The following ADAMTSL1 variants were observed in gnomAD, a reference collection of about 807,000 sequenced individuals.
ADAMTSL1 encodes ADAMTS like 1.
ADAMTSL1 carries 126 observed loss-of-function variants against 201.8 expected under a neutral mutation model. The ratio of observed to expected loss-of-function variants is 0.62; its 90% confidence interval spans 0.54 to 0.72. The LOEUF is 0.72. Ranked by LOEUF, ADAMTSL1 falls within the 30% of genes least tolerant of loss-of-function variation. The pLI, the probability that ADAMTSL1 is intolerant of heterozygous loss-of-function variation, is 0.00. For missense variants in ADAMTSL1, 2,679 were observed against 2,277.8 expected, an observed-to-expected ratio of 1.18 and a Z score of -3.59; for synonymous variants, 1,121 against 903.4, an observed-to-expected ratio of 1.24 and a Z score of -4.32.
chr9:17,927,880 C>T (rs1411156407), intron 1 of ADAMTSL1, among the ~76,000 whole-genome samples: 2 of 152,058 alleles, frequency 1.3e-5, no homozygotes, highest in Non-Finnish European at 2.9e-5. Flanking sequence ...CTCATGCATT[C>T]ATTAGTGGAC....
intron 3 of ADAMTSL1, among the ~76,000 whole-genome samples, chr9:18,556,839 A>G (rs1307105833): frequency 6.6e-6 from 1 of 152,064 alleles, no homozygotes; most frequent in Non-Finnish European, 1.5e-5. Flanking sequence ...AATTATATTT[A>G]AAGTGGTTCT....
chr9:18,029,894 A>G (rs1477195850), intron 1 of ADAMTSL1, among the ~76,000 whole-genome samples: 1 of 151,982 alleles, frequency 6.6e-6, no homozygotes, highest in Admixed American at 6.6e-5. Flanking sequence ...AAGTCAGGAA[A>G]CAACAGGTGC....
intron 3 of ADAMTSL1, among the ~76,000 whole-genome samples, chr9:18,567,205 C>T (rs1456212248): frequency 1.3e-5 from 2 of 152,092 alleles, no homozygotes; most frequent in Admixed American, 6.6e-5. Context: ...TGGCTCATGC[C>T]GTTAATCTCA....
At chr9:18,231,671 C>G (rs1175711481) in intron 2 of ADAMTSL1, among the ~76,000 whole-genome samples, 1 of 152,200 alleles carries the variant, frequency 6.6e-6, no homozygotes, top group Non-Finnish European at 1.5e-5. Flanking sequence ...GGTACCCAGA[C>G]TTGAATATCC....
intron 2 of ADAMTSL1, among the ~76,000 whole-genome samples, chr9:18,390,298 A>G (rs1438142910): frequency 6.6e-6 from 1 of 152,192 alleles, no homozygotes; most frequent in African/African-American, 2.4e-5. Flanking sequence ...CCAGGTAATC[A>G]TGACACACTG....
intron 1 of ADAMTSL1, among the ~76,000 whole-genome samples, chr9:18,108,226 G>T (rs1020828828): frequency 6.9e-6 from 1 of 144,354 alleles, no homozygotes; most frequent in South Asian, 2.2e-4. Flanking sequence ...TTTGAAACAG[G>T]GTTCTACTCT....
intron 1 of ADAMTSL1, among the ~76,000 whole-genome samples, chr9:18,067,988 T>A (rs182939987): frequency 2.0e-4 from 31 of 152,140 alleles, no homozygotes; most frequent in African/African-American, 7.0e-4. Flanking sequence ...ATAATTTTTT[T>A]AAAAACAAAA....
At chr9:18,753,199 C>A in intron 15 of ADAMTSL1, 99 bp from the exon 16 acceptor site, 1 of 1,223,334 alleles carries the variant, frequency 8.2e-7, no homozygotes, top group Non-Finnish European at 1.2e-6. Flanking sequence ...GCACTTCCCA[C>A]TTTCCCAGTT....
intron 5 of ADAMTSL1, among the ~76,000 whole-genome samples, chr9:18,633,481 C>G (rs1392508332): frequency 1.3e-5 from 2 of 152,054 alleles, no homozygotes; most frequent in African/African-American, 4.8e-5. Flanking sequence ...ATCCCAGCTA[C>G]TTGAGGCTGA....
chr9:18,721,698 G>A (rs1368628181), intron 15 of ADAMTSL1, 33 bp downstream of exon 15: 2 of 1,610,360 alleles, frequency 1.2e-6, no homozygotes, highest in African/African-American at 2.7e-5. Flanking sequence ...TGCTGTCCAG[G>A]GGCACGTACA....
chr9:18,624,276 T>C (rs1383244658), intron 5 of ADAMTSL1, among the ~76,000 whole-genome samples: 1 of 152,218 alleles, frequency 6.6e-6, no homozygotes, highest in Admixed American at 6.5e-5. Flanking sequence ...GATTTTTCTT[T>C]GGTCATGTGG....
At chr9:18,116,570 C>G (rs1825259111) in intron 1 of ADAMTSL1, among the ~76,000 whole-genome samples, 1 of 152,048 alleles carries the variant, frequency 6.6e-6, no homozygotes, top group South Asian at 2.1e-4. Context: ...CCTTTTCAGC[C>G]AATAGTAGTT....
intron 4 of ADAMTSL1, among the ~76,000 whole-genome samples, chr9:18,589,641 G>C (rs570886671): frequency 1.0e-3 from 157 of 152,148 alleles, no homozygotes; most frequent in African/African-American, 3.6e-3. Flanking sequence ...GAGCATCCTT[G>C]TCTCATTTCA....
intron 1 of ADAMTSL1, among the ~76,000 whole-genome samples, chr9:18,092,672 C>T (rs1183203111): frequency 6.6e-6 from 1 of 152,132 alleles, no homozygotes; most frequent in Admixed American, 6.6e-5. Context: ...TCCAGAATTC[C>T]CCAGTTTCAC....
chr9:18,828,675 TATATATATATATATATATAA>T lies in ADAMTSL1; in HGVS notation c.4115-1166_4115-1147del, dbSNP rs1429460245. On this transcript the variant is annotated intron_variant, in intron 22 of 28. Transcript: ENST00000380548. ...GAAAGTATATTTATATATATATATA[TATATATATATATATATATAA>T]AATGTGTGTGTGTGTATATATATAT... Among the ~76,000 whole-genome samples the T allele has an allele frequency of 6.5e-3, 584 of 90,406 alleles. 59 individuals are homozygous for T. Among genetic ancestry groups the T allele is most frequent in the Admixed American group, 0.037 (385 of 10,330 alleles). 59.3% of individuals were successfully genotyped at this position (90,406 alleles called of 152,430 possible).
At chr9:18,575,230 T>G (rs1054644553) in intron 4 of ADAMTSL1, among the ~76,000 whole-genome samples, 1 of 152,174 alleles carries the variant, frequency 6.6e-6, no homozygotes, top group African/African-American at 2.4e-5. Context: ...GTAGTGTAAA[T>G]GACTATAAGA....
At position 18,384,844 on chromosome 9, in the gene ADAMTSL1, C is replaced by A. The variant is rs117356797; in HGVS notation, c.208-119985C>A. On this transcript the variant is annotated intron_variant, in intron 2 of 29. Transcript: ENST00000680146. ...AGCTCTCCTGATTGTACTTCCATGTCTCCTAGATCACCTTACTCTTTCCTT... is the reference window on the plus strand; with the variant it reads ...AGCTCTCCTGATTGTACTTCCATGTATCCTAGATCACCTTACTCTTTCCTT... Among the ~76,000 whole-genome samples, 973 of 152,290 alleles carry A rather than the reference C, an allele frequency of 6.4e-3. 5 individuals carry two copies. Among genetic ancestry groups the A allele is most frequent in the Admixed American group, 0.01 (157 of 15,280 alleles).
intron 1 of ADAMTSL1, among the ~76,000 whole-genome samples, chr9:18,065,720 C>T (rs1405200771): frequency 2.0e-5 from 3 of 152,138 alleles, no homozygotes; most frequent in African/African-American, 7.2e-5. Context: ...GTGGCTCACG[C>T]CTGTAATCCC....
chr9:18,903,592 C>G lies in ADAMTSL1; in HGVS notation c.4852-2190C>G, dbSNP rs1160435423. 1.3e-5 allele frequency among the ~76,000 whole-genome samples: 2 copies of G among 152,180 alleles called. 1 individual carries two copies. The highest frequency in any genetic ancestry group is 4.1e-4 in the South Asian group (2 of 4,824). ...AAATGTGGGGCTGCTTGTTCAAAAA[C>G]TATAATGAATGTCAAGGTTGACAGT... On this transcript the variant is annotated intron_variant, in intron 26 of 28. Transcript: ENST00000380548.
Sources: allele counts gnomAD v4.1 joint callset (sites outside exome capture counted in the v4.1 genomes callset), GRCh38; gene constraint gnomAD v4.1.1; transcripts MANE v1.5; gene names NCBI Gene and HGNC (gene_info 2026-07-23, HGNC 2026-07-21).